NAPA: variants seen among roughly 807,000 people sequenced by gnomAD.
The protein encoded by NAPA is alpha-soluble NSF attachment protein.
NAPA carries 18 observed loss-of-function variants against 48.0 expected under a neutral mutation model. The observed-to-expected ratio is 0.38, with a 90% confidence interval of 0.26 to 0.56. NAPA has a LOEUF of 0.56. Ranked by LOEUF, NAPA falls within the 20% of genes least tolerant of loss-of-function variation. The pLI, the probability that NAPA is intolerant of heterozygous loss-of-function variation, is 0.77. For missense variants in NAPA, 315 were observed against 385.0 expected (o/e 0.82, Z 1.52); for synonymous variants, 152 against 149.9 (o/e 1.01, Z -0.10).
intron 1 of NAPA, among the ~76,000 whole-genome samples, chr19:47,511,242 C>G (rs1487675597): frequency 2.0e-5 from 3 of 152,184 alleles, no homozygotes; most frequent in Non-Finnish European, 1.5e-5. Context: ...ATGTTGAACA[C>G]AAGCAAACCC....
intron 9 of NAPA, 113 bp downstream of exon 9, chr19:47,490,675 C>CAAAACAA: frequency 3.4e-6 from 3 of 890,940 alleles, no homozygotes; most frequent in Non-Finnish European, 5.1e-6. Context: ...CAAAACAAAA[C>CAAAACAA]AAAGACACCC....
intron 4 of NAPA, among the ~76,000 whole-genome samples, chr19:47,494,583 C>A (rs963795140): frequency 5.9e-5 from 9 of 151,818 alleles, no homozygotes; most frequent in Admixed American, 2.6e-4. Context: ...ACTGAAAATA[C>A]AAAAATTAGC....
At chr19:47,492,823 C>G (rs772056670) in intron 7 of NAPA, 138 bp downstream of exon 7, 5 of 788,872 alleles carry the variant, frequency 6.3e-6, no homozygotes, top group South Asian at 5.7e-5. Flanking sequence ...GGGGGGATGA[C>G]ATGGCAAGGG....
At chr19:47,507,189 G>C (rs1297007857) in intron 1 of NAPA, among the ~76,000 whole-genome samples, 1 of 152,104 alleles carries the variant, frequency 6.6e-6, no homozygotes, top group East Asian at 1.9e-4. Flanking sequence ...GAACTGGTTT[G>C]GGCTGCCTGA....
chr19:47,504,851 G>A (rs1968662987), intron 1 of NAPA, among the ~76,000 whole-genome samples: 1 of 152,080 alleles, frequency 6.6e-6, no homozygotes, highest in Admixed American at 6.5e-5. Flanking sequence ...AAGTTACAAG[G>A]ATGTTCAGCA....
intron 1 of NAPA, among the ~76,000 whole-genome samples, chr19:47,513,361 G>T (rs1568472841): frequency 6.6e-6 from 1 of 152,188 alleles, no homozygotes; most frequent in African/African-American, 2.4e-5. Flanking sequence ...CCTTCTGGAA[G>T]TCACATTAAC....
intron 1 of NAPA, among the ~76,000 whole-genome samples, chr19:47,508,842 T>C (rs1308265754): frequency 6.6e-6 from 1 of 151,948 alleles, no homozygotes; most frequent in South Asian, 2.1e-4. Flanking sequence ...TCCCAGGGCT[T>C]TGGGAGGCCG....
chr19:47,487,188 C>T (rs1968096881), downstream of NAPA, among the ~76,000 whole-genome samples: 1 of 152,206 alleles, frequency 6.6e-6, no homozygotes, highest in Non-Finnish European at 1.5e-5. Context: ...AAAGCCGCTT[C>T]CTCCCCCGTC....
chr19:47,503,669 C>T (rs1968633692), intron 1 of NAPA, among the ~76,000 whole-genome samples, 167 bp from the exon 2 acceptor site: 1 of 152,230 alleles, frequency 6.6e-6, no homozygotes, highest in Non-Finnish European at 1.5e-5. Context: ...CCCCTGCATA[C>T]AATGGCACAC....
At position 47,497,091 on chromosome 19, in the gene NAPA, C is replaced by T. The variant is rs113370559; in HGVS notation, c.296-1495G>A. The T allele has an allele frequency of 1.8e-4, 47 of 267,384 alleles. 1 individual carries two copies. In the East Asian group the frequency reaches 2.7e-3, roughly 15 times the overall value. 16.6% of individuals were successfully genotyped at this position (267,384 alleles called of 1,614,324 possible). On this transcript the variant is annotated intron_variant, in intron 3 of 10. Coordinates refer to ENST00000263354, the MANE Select transcript of NAPA (RefSeq NM_003827.4). ...CTGTAATCGGCGGACCCAGAAGCAA[C>T]GGCTAAGCCGGGCCACGCTGCAGAG...
chr19:47,503,103 A>G (rs1171192430), intron 2 of NAPA, among the ~76,000 whole-genome samples: 1 of 152,242 alleles, frequency 6.6e-6, no homozygotes, highest in African/African-American at 2.4e-5. Flanking sequence ...CACTGATGGA[A>G]GCACTAAGGA....
intron 7 of NAPA, 78 bp from the exon 8 acceptor site, chr19:47,492,197 G>A: frequency 7.7e-7 from 1 of 1,291,688 alleles, no homozygotes; most frequent in East Asian, 2.3e-5. Context: ...GGCACTGGGG[G>A]GCCAGCTGGG....
chr19:47,510,024 G>A (rs1352331756), intron 1 of NAPA, among the ~76,000 whole-genome samples: 1 of 152,202 alleles, frequency 6.6e-6, no homozygotes, highest in Non-Finnish European at 1.5e-5. Context: ...AGGAACTCTC[G>A]GATTCCCCAG....
At position 47,496,854 on chromosome 19, in the gene NAPA, T is replaced by C. The variant is rs1422179111; in HGVS notation, c.296-1258A>G. ...ACAGTGGGGTCCATAAGCACTCCTC[T>C]GGGGAGTGGGGTCTGTAGGTTTTGT... is the stretch of plus-strand genomic sequence containing the variant. On this transcript the variant is annotated intron_variant, in intron 3 of 10. Transcript: ENST00000263354. 3 of 456,054 alleles carry C rather than the reference T, an allele frequency of 6.6e-6. No individual in the cohort carries two copies. The East Asian group carries it at 2.1e-4, about 32-fold the overall frequency. 28.3% of individuals were successfully genotyped at this position (456,054 alleles called of 1,614,324 possible).
chr19:47,503,052 T>C (rs1023862083), intron 2 of NAPA, among the ~76,000 whole-genome samples: 10 of 152,206 alleles, frequency 6.6e-5, no homozygotes, highest in African/African-American at 2.4e-4. Context: ...CACGTTGTTA[T>C]TGGAATCACC....
chr19:47,484,863 C>G (rs1968024891), downstream of NAPA, among the ~76,000 whole-genome samples: 1 of 152,074 alleles, frequency 6.6e-6, no homozygotes, highest in Non-Finnish European at 1.5e-5. Context: ...CCACACCTGG[C>G]TAGTTTTTCT....
chr19:47,501,332 C>A (rs375206708), intron 2 of NAPA: 1 of 152,258 alleles, frequency 6.6e-6, no homozygotes, highest in African/African-American at 2.4e-5. Context: ...TGAGATTAAA[C>A]CACATAACAT....
chr19:47,513,791 C>T (rs1416432351), intron 1 of NAPA, among the ~76,000 whole-genome samples: 1 of 151,616 alleles, frequency 6.6e-6, no homozygotes, highest in African/African-American at 2.4e-5. Context: ...ATTCCCCCAC[C>T]CAGGAGTCTC....
intron 1 of NAPA, among the ~76,000 whole-genome samples, chr19:47,513,686 C>G (rs1968847315): frequency 6.6e-6 from 1 of 151,884 alleles, no homozygotes; most frequent in Non-Finnish European, 1.5e-5. Context: ...ACTCGAGGAT[C>G]ACACAGCAGG....
Sources: gnomAD v4.1 joint callset for allele counts (sites outside exome capture counted in the v4.1 genomes callset) on GRCh38, gnomAD v4.1.1 for gene constraint, MANE v1.5 for transcripts, NCBI Gene and HGNC (gene_info 2026-07-23, HGNC 2026-07-21) for gene names.